SIAH1: variants seen among roughly 807,000 people sequenced by gnomAD.
SIAH1 encodes the protein siah E3 ubiquitin protein ligase 1.
Under a neutral mutation model 20.0 loss-of-function variants are expected in SIAH1, and 2 were observed. That is an observed-to-expected ratio of 0.10 (90% confidence interval 0.04 to 0.31). SIAH1 has a LOEUF of 0.31. SIAH1 is among the 10% of genes least tolerant of loss of function. The pLI is 1.00. For missense variants in SIAH1, 119 were observed against 355.3 expected (o/e 0.33, Z 5.35); for synonymous variants, 118 against 125.3 (o/e 0.94, Z 0.39).
intron 1 of SIAH1, among the ~76,000 whole-genome samples, chr16:48,383,341 A>G (rs1961347402): frequency 6.6e-6 from 1 of 152,236 alleles, no homozygotes; most frequent in Admixed American, 6.5e-5. Context: ...ATGAAACACT[A>G]CACAACCAAT....
chr16:48,384,951 G>A (rs1319827861), intron 1 of SIAH1, among the ~76,000 whole-genome samples: 1 of 145,238 alleles, frequency 6.9e-6, no homozygotes, highest in African/African-American at 2.5e-5. Context: ...GACCCCCGCC[G>A]CCACCCCGCC....
At chr16:48,384,223 G>C (rs926442110) in intron 1 of SIAH1, among the ~76,000 whole-genome samples, 1 of 152,122 alleles carries the variant, frequency 6.6e-6, no homozygotes, top group Non-Finnish European at 1.5e-5. Context: ...TCAGAACACC[G>C]TCCCATATCC....
At chr16:48,377,571 T>G (rs1356101726) in intron 1 of SIAH1, among the ~76,000 whole-genome samples, 1 of 152,018 alleles carries the variant, frequency 6.6e-6, no homozygotes, top group African/African-American at 2.4e-5. Flanking sequence ...TTATTTTTAG[T>G]AGAGACAAGG....
intron 1 of SIAH1, chr16:48,363,861 A>T (rs1037723552): frequency 6.1e-6 from 1 of 165,036 alleles, no homozygotes; most frequent in African/African-American, 2.5e-5. Context: ...ATGGCAGGCC[A>T]CTATTTGTCT....
rs573734399 is a variant in SIAH1, at chr16:48,361,299, C to G, written c.*281G>C. ...CAATCAATCTACAACAAACACAAAA[C>G]TCAGAATTATTTTACAATGCTTCCT... On this transcript the variant is annotated 3_prime_UTR_variant, in exon 2 of 2. Transcript: ENST00000394725. The G allele has an allele frequency of 1.2e-5, 4 of 340,434 alleles. No homozygotes were observed. Among genetic ancestry groups the G allele is most frequent in the Non-Finnish European group, 2.2e-5 (4 of 181,820 alleles). The allele number at this position is 340,434 out of a possible 1,614,324, so 21.1% of individuals were successfully genotyped here. A position where few individuals can be genotyped will look rare whatever the true frequency, so the allele number is the denominator to read the frequency against.
At chr16:48,369,397 T>C (rs1208159103) in intron 1 of SIAH1, among the ~76,000 whole-genome samples, 16 of 152,130 alleles carry the variant, frequency 1.1e-4, no homozygotes, top group Admixed American at 9.8e-4. Flanking sequence ...CAAAGCAAAA[T>C]ACAACACTTG....
chr16:48,366,353 C>T (rs1325855846), intron 1 of SIAH1, among the ~76,000 whole-genome samples: 1 of 152,148 alleles, frequency 6.6e-6, no homozygotes, highest in Non-Finnish European at 1.5e-5. Context: ...GGCTATTTAC[C>T]GGGCATCAAC....
chr16:48,363,196 A>G (rs1960674338), intron 1 of SIAH1: 2 of 167,084 alleles, frequency 1.2e-5, no homozygotes, highest in Non-Finnish European at 2.9e-5. Context: ...GAATCAGAGT[A>G]TCACCTTCCA....
At chr16:48,375,666 T>C (rs1311848994) in intron 1 of SIAH1, among the ~76,000 whole-genome samples, 1 of 151,088 alleles carries the variant, frequency 6.6e-6, no homozygotes, top group Non-Finnish European at 1.5e-5. Context: ...AAAAAACAAA[T>C]TGGGGGGAGA....
chr16:48,386,553 G>C (rs991608271), upstream of SIAH1, among the ~76,000 whole-genome samples: 27 of 152,114 alleles, frequency 1.8e-4, no homozygotes, highest in Non-Finnish European at 3.4e-4. Context: ...GGGCACGTAT[G>C]TACAAATTCC....
At chr16:48,364,333 G>T (rs757443083) in intron 1 of SIAH1, among the ~76,000 whole-genome samples, 62 of 152,104 alleles carry the variant, frequency 4.1e-4, no homozygotes, top group Non-Finnish European at 6.3e-4. Context: ...AGCAATGTTG[G>T]TTACCAATGT....
At chr16:48,365,859 G>C (rs1470828568) in intron 1 of SIAH1, 2 of 1,250,582 alleles carry the variant, frequency 1.6e-6, no homozygotes, top group Non-Finnish European at 1.0e-6. Context: ...AAGGAAGTGC[G>C]CTCCCTGAGC....
At chr16:48,366,636 A>G (rs577833163) in intron 1 of SIAH1, among the ~76,000 whole-genome samples, 19 of 152,322 alleles carry the variant, frequency 1.2e-4, no homozygotes, top group Non-Finnish European at 2.5e-4. Context: ...TCAGATTTGC[A>G]TTGCATCAGC....
rs373867044 is a variant in SIAH1, at chr16:48,361,598, T to G, written c.831A>C (p.Val277=). ...FAENGNLGIN[V]TISMC ...TGCCATTTCAACACATGGAAATAGT[T>G]ACATTGATGCCTAAATTGCCATTTT... The change falls in exon 2 of 2, where the codon GTA becomes GTC. Residue 277 remains valine, a synonymous_variant. Coordinates refer to ENST00000394725, the MANE Select transcript of SIAH1 (RefSeq NM_003031.4). 9.1e-5 allele frequency: 146 copies of G among 1,612,804 alleles called. 1 individual carries two copies. The highest frequency in any genetic ancestry group is 8.7e-5 in the Non-Finnish European group (102 of 1,179,086).
intron 1 of SIAH1, among the ~76,000 whole-genome samples, chr16:48,371,286 T>C (rs943378579): frequency 6.6e-5 from 10 of 152,148 alleles, no homozygotes; most frequent in Non-Finnish European, 1.0e-4. Context: ...TTGAAATAAA[T>C]ACGAGCACAG....
chr16:48,373,971 C>T (rs746703555), intron 1 of SIAH1, among the ~76,000 whole-genome samples: 4 of 152,102 alleles, frequency 2.6e-5, no homozygotes, highest in African/African-American at 4.8e-5. Flanking sequence ...GTGGCTAACT[C>T]CCTAACTTTC....
At chr16:48,366,884 A>G (rs1318476901) in intron 1 of SIAH1, among the ~76,000 whole-genome samples, 1 of 152,240 alleles carries the variant, frequency 6.6e-6, no homozygotes, top group Non-Finnish European at 1.5e-5. Flanking sequence ...AATTGAAAAT[A>G]GACACAGTCA....
chr16:48,386,490 G>C (rs1302408983), upstream of SIAH1, among the ~76,000 whole-genome samples: 3 of 152,194 alleles, frequency 2.0e-5, no homozygotes, highest in Non-Finnish European at 4.4e-5. Flanking sequence ...CTGGACAACA[G>C]AGCGAGACTC....
At chr16:48,370,908 G>A (rs1049020495) in intron 1 of SIAH1, among the ~76,000 whole-genome samples, 1 of 151,998 alleles carries the variant, frequency 6.6e-6, no homozygotes, top group Non-Finnish European at 1.5e-5. Context: ...GAGGTCAGGA[G>A]TTTGAGATCA....
Sources: allele counts gnomAD v4.1 joint callset (sites outside exome capture counted in the v4.1 genomes callset), GRCh38; gene constraint gnomAD v4.1.1; transcripts MANE v1.5; gene names NCBI Gene and HGNC (gene_info 2026-07-23, HGNC 2026-07-21).